Variants in SEMA3A observed in about 807,000 individuals in gnomAD.
SEMA3A encodes semaphorin-3A.
Under a neutral mutation model 97.9 loss-of-function variants are expected in SEMA3A, and 29 were observed. The ratio of observed to expected loss-of-function variants is 0.30; its 90% CI spans 0.22 to 0.40. The LOEUF (loss-of-function observed/expected upper bound fraction) is 0.40. SEMA3A is among the 10% of genes least tolerant of loss of function. The pLI, the probability that SEMA3A is intolerant of heterozygous loss-of-function variation, is 1.00. For synonymous variants in SEMA3A, 321 were observed against 323.7 expected (o/e 0.99, Z 0.09); for missense variants, 763 against 951.3 (o/e 0.80, Z 2.60).
At chr7:84,249,509 T>C (rs1297654013) in intron 3 of SEMA3A, among the ~76,000 whole-genome samples, 1 of 152,074 alleles carries the variant, frequency 6.6e-6, no homozygotes, top group Non-Finnish European at 1.5e-5. Context: ...CTGTTCCCCA[T>C]GGTGATGGGT....
rs182120005 is a variant in SEMA3A, at chr7:84,164,248, A to C, written c.113-29297T>G. On this transcript the variant is annotated intron_variant, in intron 1 of 16. Transcript: ENST00000265362. ...CTTGGGAACCATTTTCTGTAACTTTACTAATTTATCACTAAATGCATTGCC... is the reference window on the plus strand; with the variant it reads ...CTTGGGAACCATTTTCTGTAACTTTCCTAATTTATCACTAAATGCATTGCC... Among the ~76,000 whole-genome samples the C allele has an allele frequency of 1.1e-3, 174 of 152,332 alleles. 1 individual carries two copies. The East Asian group carries it at 0.013, about 11-fold the overall frequency.
intron 7 of SEMA3A, among the ~76,000 whole-genome samples, chr7:84,013,531 C>G (rs940996017): frequency 3.3e-5 from 5 of 151,096 alleles, no homozygotes; most frequent in Non-Finnish European, 5.9e-5. Context: ...ATGAATACTT[C>G]ACATCTTCCA....
chr7:84,274,588 T>C (rs944786688), intron 3 of SEMA3A, among the ~76,000 whole-genome samples: 1 of 151,966 alleles, frequency 6.6e-6, no homozygotes, highest in African/African-American at 2.4e-5. Flanking sequence ...TAACAGAAAA[T>C]AAATAAATAT....
At chr7:84,426,963 T>G (rs914701011) in intron 1 of SEMA3A, among the ~76,000 whole-genome samples, 1 of 152,146 alleles carries the variant, frequency 6.6e-6, no homozygotes, top group Admixed American at 6.6e-5. Flanking sequence ...TTTATGTACA[T>G]TCTCTCTAAT....
At chr7:84,460,475 G>T (rs1382355826) in intron 1 of SEMA3A, among the ~76,000 whole-genome samples, 1 of 151,474 alleles carries the variant, frequency 6.6e-6, no homozygotes, top group Non-Finnish European at 1.5e-5. Context: ...CAACTTAAAG[G>T]TTATTATGTA....
intron 1 of SEMA3A, among the ~76,000 whole-genome samples, chr7:84,147,888 C>A (rs969989502): frequency 1.3e-5 from 2 of 151,798 alleles, no homozygotes; most frequent in African/African-American, 4.8e-5. Context: ...TTTTCTTACT[C>A]TCACTCTCTC....
intron 1 of SEMA3A, among the ~76,000 whole-genome samples, chr7:84,143,929 TC>T (rs1796379684): frequency 1.4e-5 from 2 of 139,150 alleles, no homozygotes; most frequent in Non-Finnish European, 3.1e-5. Flanking sequence ...AATCTCTCTC[TC>T]TCTCTCTCTC....
At chr7:84,478,939 T>C (rs1358668944) in intron 1 of SEMA3A, among the ~76,000 whole-genome samples, 1 of 152,166 alleles carries the variant, frequency 6.6e-6, no homozygotes, top group Non-Finnish European at 1.5e-5. Context: ...TTATATAAAA[T>C]CATACTTATA....
chr7:84,203,526 A>ATATATATATATATATATTTTTT (rs372380784), intron 3 of SEMA3A, among the ~76,000 whole-genome samples: 1 of 25,672 alleles, frequency 3.9e-5, no homozygotes, highest in Admixed American at 7.7e-4. Context: ...ATATATATAT[A>ATATATATATATATATATTTTTT]TTTTTTTTTT....
At chr7:84,373,636 C>A (rs891424338) in intron 1 of SEMA3A, among the ~76,000 whole-genome samples, 2 of 152,110 alleles carry the variant, frequency 1.3e-5, no homozygotes, top group African/African-American at 4.8e-5. Flanking sequence ...GACAGTACAT[C>A]ATGGTGGTTA....
At chr7:84,190,550 C>G (rs953885186) in intron 1 of SEMA3A, among the ~76,000 whole-genome samples, 2 of 150,842 alleles carry the variant, frequency 1.3e-5, no homozygotes, top group Non-Finnish European at 3.0e-5. Flanking sequence ...GTCTTCCCCC[C>G]ACAACTCCCA....
chr7:84,123,257 G>A (rs1275733036), intron 3 of SEMA3A, among the ~76,000 whole-genome samples: 2 of 152,060 alleles, frequency 1.3e-5, no homozygotes, highest in African/African-American at 4.8e-5. Flanking sequence ...TTAAGCACTA[G>A]AAAAATACCG....
In SEMA3A at chr7:84,005,430, G is replaced by C. The variant is rs753997365; in HGVS notation, c.1269C>G (p.Ile423Met). ...TAAATTGATAATTTACATCCGTTTT[G>C]ATCACTATTGGGCGATTGTTCATAG... ...VFPMNNRPIV[I>M]KTDVNYQFTQ... is the part of the protein sequence containing the mutation. Residue 423 changes from isoleucine to methionine, a missense_variant, in exon 11 of 17, where the codon ATC (isoleucine) becomes ATG (methionine). Transcript: ENST00000265362. 6.2e-7 allele frequency: 1 copy of C among 1,613,684 alleles called. No individual in the cohort carries two copies. The highest frequency in any genetic ancestry group is 1.1e-5 in the South Asian group (1 of 91,062).
At chr7:84,160,735 T>G (rs1195710655) in intron 1 of SEMA3A, among the ~76,000 whole-genome samples, 3 of 150,650 alleles carry the variant, frequency 2.0e-5, no homozygotes, top group Admixed American at 2.0e-4. Flanking sequence ...AAAAAATTAC[T>G]TGGGGGTGGT....
At chr7:84,092,189 C>G (rs1794624971) in intron 4 of SEMA3A, among the ~76,000 whole-genome samples, 1 of 152,140 alleles carries the variant, frequency 6.6e-6, no homozygotes, top group Non-Finnish European at 1.5e-5. Context: ...GTTGTGTCAT[C>G]TCCTGCCAAT....
intron 1 of SEMA3A, among the ~76,000 whole-genome samples, chr7:84,424,492 A>C (rs1464333097): frequency 3.8e-5 from 4 of 103,992 alleles, no homozygotes; most frequent in African/African-American, 1.5e-4. Flanking sequence ...ATATTGATAT[A>C]TAATATATAA....
intron 2 of SEMA3A, among the ~76,000 whole-genome samples, chr7:84,362,839 G>A (rs1018887073): frequency 1.3e-5 from 2 of 151,896 alleles, no homozygotes; most frequent in South Asian, 2.1e-4. Flanking sequence ...ATAATATATA[G>A]GACTATGGGC....
intron 1 of SEMA3A, among the ~76,000 whole-genome samples, chr7:84,406,147 A>G (rs1804079780): frequency 6.6e-6 from 1 of 152,130 alleles, no homozygotes; most frequent in South Asian, 2.1e-4. Context: ...TTGATAGACC[A>G]CTAGCAAGAC....
intron 2 of SEMA3A, among the ~76,000 whole-genome samples, chr7:84,349,459 C>A (rs1017810374): frequency 6.6e-6 from 1 of 152,082 alleles, no homozygotes; most frequent in African/African-American, 2.4e-5. Context: ...TCAGAAAACT[C>A]AAATAAATTG....
Sources: gnomAD v4.1 joint callset for allele counts (sites outside exome capture counted in the v4.1 genomes callset) on GRCh38, gnomAD v4.1.1 for gene constraint, MANE v1.5 for transcripts, NCBI Gene and HGNC (gene_info 2026-07-23, HGNC 2026-07-21) for gene names.